The following PRKX variants were observed in gnomAD, a reference collection of about 807,000 sequenced individuals.
The protein encoded by PRKX is cAMP-dependent protein kinase catalytic subunit PRKX.
A neutral mutation model predicts 22.0 loss-of-function variants in PRKX; 12 were observed. The ratio of observed to expected loss-of-function variants is 0.54; its 90% CI spans 0.35 to 0.88. The LOEUF is 0.88. Among genes scored for constraint, PRKX ranks in the 40% least tolerant of loss-of-function variants. The probability of loss-of-function intolerance (pLI) is 0.01; values close to 1 mark genes in which losing one functional copy is unlikely to be tolerated. For missense variants in PRKX, 217 were observed against 308.0 expected, an observed-to-expected ratio of 0.70 and a Z score of 2.21; for synonymous variants, 134 against 137.7, an observed-to-expected ratio of 0.97 and a Z score of 0.19.
Position 3,713,298 on chromosome X carries a change from C to G in PRKX, c.-45G>C. 1 of 948,395 alleles carries G rather than the reference C, an allele frequency of 1.1e-6. No individual in the cohort carries two copies. Among genetic ancestry groups the G allele is most frequent in the African/African-American group, 2.0e-5 (1 of 48,972 alleles). The allele number at this position is 948,395 out of a possible 1,213,427, so 78.2% of individuals were successfully genotyped here. A position where few individuals can be genotyped will look rare whatever the true frequency, so the allele number is the denominator to read the frequency against. On this transcript the variant is annotated 5_prime_UTR_variant, in exon 1 of 9. Coordinates refer to ENST00000262848, the MANE Select transcript of PRKX (RefSeq NM_005044.5). The stretch of plus-strand genomic sequence containing the variant: ...GGGCACCGGGCCAGGCCGGAGCGCT[C>G]GGGGAGCCGGGCTTCCCGGGACGCA...
At chrX:3,620,671 C>T (rs941211805) in intron 6 of PRKX, among the ~76,000 whole-genome samples, 3 of 112,327 alleles carry the variant, frequency 2.7e-5, no homozygotes, top group South Asian at 3.7e-4. Flanking sequence ...TTAGGTTGTG[C>T]GGTCTGTGGA....
At chrX:3,684,681 G>A (rs1928140695) in intron 1 of PRKX, among the ~76,000 whole-genome samples, 2 of 111,260 alleles carry the variant, frequency 1.8e-5, no homozygotes, top group South Asian at 7.6e-4. Flanking sequence ...CTGGAAGTCG[G>A]AGACCCAGGT....
chrX:3,662,919 G>A (rs1326704831), intron 2 of PRKX, among the ~76,000 whole-genome samples: 6 of 101,831 alleles, frequency 5.9e-5, no homozygotes, highest in Non-Finnish European at 9.9e-5. Flanking sequence ...GATAACTTGG[G>A]CCCAGGAGAA....
At chrX:3,680,985 G>T (rs1234177868) in intron 1 of PRKX, among the ~76,000 whole-genome samples, 1 of 111,712 alleles carries the variant, frequency 9.0e-6, no homozygotes, top group Non-Finnish European at 1.9e-5. Flanking sequence ...GAAGTGGGAG[G>T]ATCACTTGAG....
chrX:3,703,884 G>A (rs1229219127), intron 1 of PRKX, among the ~76,000 whole-genome samples: 1 of 109,259 alleles, frequency 9.2e-6, no homozygotes, highest in African/African-American at 3.3e-5. Flanking sequence ...TGTTGGCAAG[G>A]CTGGTTTCGA....
chrX:3,674,462 A>G, intron 2 of PRKX, 136 bp downstream of exon 2: 1 of 595,715 alleles, frequency 1.7e-6, no homozygotes, highest in Non-Finnish European at 2.6e-6. Flanking sequence ...GGCTGATAAG[A>G]CCTGACAGGT....
intron 2 of PRKX, chrX:3,668,243 A>G (rs1028527764): frequency 2.7e-5 from 3 of 111,797 alleles, no homozygotes; most frequent in Non-Finnish European, 5.6e-5. Flanking sequence ...TAAACATGCA[A>G]TGTATCATTT....
intron 3 of PRKX, among the ~76,000 whole-genome samples, chrX:3,651,238 C>A (rs1927326326): frequency 8.9e-6 from 1 of 112,207 alleles, no homozygotes; most frequent in Non-Finnish European, 1.9e-5. Flanking sequence ...AAGATTTTCA[C>A]ATGTTCATTA....
At chrX:3,613,189 G>GAAAAAA (rs1926342353) in intron 7 of PRKX, among the ~76,000 whole-genome samples, 1 of 65,287 alleles carries the variant, frequency 1.5e-5, no homozygotes, top group African/African-American at 4.3e-5. Context: ...AAAAAAAAAT[G>GAAAAAA]AGGAAGCTAG....
intron 3 of PRKX, among the ~76,000 whole-genome samples, chrX:3,650,530 A>AAAAG (rs1927304324): frequency 1.9e-5 from 2 of 103,714 alleles, no homozygotes; most frequent in Non-Finnish European, 3.9e-5. Context: ...CAAAAAAAAA[A>AAAAG]AAAAAAAAAA....
chrX:3,704,159 A>G (rs1349170816), intron 1 of PRKX, among the ~76,000 whole-genome samples: 1 of 112,063 alleles, frequency 8.9e-6, no homozygotes, highest in African/African-American at 3.2e-5. Context: ...TCCAGAAAGG[A>G]GGAGCTTCTT....
chrX:3,682,219 C>T (rs1603474538), intron 1 of PRKX, among the ~76,000 whole-genome samples: 1 of 110,752 alleles, frequency 9.0e-6, no homozygotes, highest in African/African-American at 3.3e-5. Flanking sequence ...CAACAGCTGA[C>T]ACCATCTGAG....
At position 3,645,702 on chromosome X, in the gene PRKX, G is replaced by T. The variant is rs1927174097; in HGVS notation, c.600-3731C>A. On this transcript the variant is annotated intron_variant, in intron 3 of 8. Transcript: ENST00000262848. ...AATCTCAACGCTTTGGGAGGCCAAG[G>T]TGGGAGGATCACTTGAGCCTCAGAG... is the stretch of plus-strand genomic sequence containing the variant. Among the ~76,000 whole-genome samples the T allele has an allele frequency of 2.7e-5, 3 of 112,339 alleles. No individual in the cohort carries two copies. The Admixed American group carries it at 2.8e-4, about 11-fold the overall frequency.
chrX:3,704,239 G>A (rs780944340), intron 1 of PRKX, among the ~76,000 whole-genome samples: 41 of 111,937 alleles, frequency 3.7e-4, no homozygotes, highest in African/African-American at 1.2e-3. Flanking sequence ...GGCCTGCCAA[G>A]TTTACCCGCA....
intron 1 of PRKX, among the ~76,000 whole-genome samples, chrX:3,685,011 T>A (rs1428167685): frequency 1.8e-5 from 2 of 111,101 alleles, no homozygotes; most frequent in Admixed American, 1.9e-4. Flanking sequence ...GAGATGGGGT[T>A]TAACCATGTT....
At chrX:3,632,083 T>C (rs1434724909) in intron 4 of PRKX, among the ~76,000 whole-genome samples, 1 of 111,284 alleles carries the variant, frequency 9.0e-6, no homozygotes, top group Non-Finnish European at 1.9e-5. Flanking sequence ...TGGGGGTGGG[T>C]TACATGAGGA....
chrX:3,704,214 C>T (rs189371142), intron 1 of PRKX, among the ~76,000 whole-genome samples: 47 of 111,721 alleles, frequency 4.2e-4, no homozygotes, highest in Admixed American at 8.5e-4. Flanking sequence ...CACAAGGGAA[C>T]CCTGGAAAAA....
At chrX:3,679,023 G>A (rs1326939377) in intron 1 of PRKX, among the ~76,000 whole-genome samples, 1 of 111,717 alleles carries the variant, frequency 9.0e-6, no homozygotes, top group African/African-American at 3.3e-5. Context: ...AAGCTAAGTA[G>A]TAGTGTTATG....
chrX:3,679,467 T>C (rs780286141), intron 1 of PRKX, among the ~76,000 whole-genome samples: 8 of 112,645 alleles, frequency 7.1e-5, no homozygotes, highest in Non-Finnish European at 1.3e-4. Flanking sequence ...GTATGGGTTC[T>C]ACAATCCCTT....
Sources: gnomAD v4.1 joint callset for allele counts (sites outside exome capture counted in the v4.1 genomes callset) on GRCh38, gnomAD v4.1.1 for gene constraint, MANE v1.5 for transcripts, NCBI Gene and HGNC (gene_info 2026-07-23, HGNC 2026-07-21) for gene names.